CDH4: variants seen among roughly 807,000 people sequenced by gnomAD.
The protein encoded by CDH4 is cadherin-4.
A neutral mutation model predicts 86.0 loss-of-function variants in CDH4; 33 were observed. The ratio of observed to expected loss-of-function variants is 0.38; its 90% CI spans 0.29 to 0.51. The LOEUF (loss-of-function observed/expected upper bound fraction) is 0.51. Ranked by LOEUF, CDH4 falls within the 20% of genes least tolerant of loss-of-function variation. The probability of loss-of-function intolerance (pLI) is 0.86; values close to 1 mark genes in which losing one functional copy is unlikely to be tolerated. For missense variants in CDH4, 1,114 were observed against 1,307.4 expected, an observed-to-expected ratio of 0.85 and a Z score of 2.28; for synonymous variants, 555 against 549.4, an observed-to-expected ratio of 1.01 and a Z score of -0.14.
At chr20:61,536,870 G>A (rs565933858) in intron 2 of CDH4, among the ~76,000 whole-genome samples, 18 of 152,188 alleles carry the variant, frequency 1.2e-4, no homozygotes, top group Admixed American at 1.2e-3. Context: ...AGTGTGTTCA[G>A]CGCAGGGGCT....
At chr20:61,926,980 G>A (rs931444464) in intron 11 of CDH4, among the ~76,000 whole-genome samples, 2 of 120,244 alleles carry the variant, frequency 1.7e-5, no homozygotes, top group African/African-American at 5.0e-5. Context: ...GCACAGGCTG[G>A]AGCAGGAGCC....
At chr20:61,543,853 A>C (rs1486188458) in intron 2 of CDH4, among the ~76,000 whole-genome samples, 1 of 152,224 alleles carries the variant, frequency 6.6e-6, no homozygotes, top group Non-Finnish European at 1.5e-5. Flanking sequence ...TGTTGACCTG[A>C]TGGAATGGAG....
chr20:61,914,103 C>T (rs191162200), intron 9 of CDH4, among the ~76,000 whole-genome samples: 1 of 152,230 alleles, frequency 6.6e-6, no homozygotes, highest in Non-Finnish European at 1.5e-5. Context: ...CCTGCCCCCC[C>T]ACAGCCAGTC....
Position 61,773,159 on chromosome 20 carries a change from C to T in CDH4, c.553C>T (p.Pro185Ser). The T allele has an allele frequency of 6.3e-7, 1 of 1,586,908 alleles. No individual in the cohort carries two copies. Among genetic ancestry groups the T allele is most frequent in the Non-Finnish European group, 8.6e-7 (1 of 1,166,950 alleles). The change falls in exon 4 of 16, where the codon CCC (proline) becomes TCC (serine). Residue 185 changes from proline (P) to serine (S), a missense_variant. Pro to Ser is a moderately conservative substitution (Grantham distance 74, BLOSUM62 -1). Around this residue, in one of 3 missense-constraint regions of CDH4, gnomAD observed 705 missense variants for 914.1 expected, o/e 0.77. Transcript: ENST00000614565. ...CAACGTGCCCGAGAACTCGCGCGGGCCCTTCCCGCAGCAGCTCGTGAGGGT... is the reference window on the plus strand; with the variant it reads ...CAACGTGCCCGAGAACTCGCGCGGGTCCTTCCCGCAGCAGCTCGTGAGGGT... ...PINVPENSRG[P>S]FPQQLVRIRS...
At chr20:61,714,259 G>T (rs1160059997) in intron 2 of CDH4, among the ~76,000 whole-genome samples, 1 of 151,816 alleles carries the variant, frequency 6.6e-6, no homozygotes, top group East Asian at 1.9e-4. Flanking sequence ...TGTTAGCCAG[G>T]ATGGTCTCCA....
At chr20:61,525,073 T>C (rs1463942342) in intron 2 of CDH4, among the ~76,000 whole-genome samples, 1 of 152,242 alleles carries the variant, frequency 6.6e-6, no homozygotes, top group East Asian at 1.9e-4. Flanking sequence ...ATCTTCTGAA[T>C]GATCTCTCTG....
At chr20:61,547,152 G>A (rs867931215) in intron 2 of CDH4, among the ~76,000 whole-genome samples, 7 of 145,856 alleles carry the variant, frequency 4.8e-5, no homozygotes, top group Non-Finnish European at 7.5e-5. Context: ...CCAAGTGCAA[G>A]TAGCTTTTAC....
At chr20:61,320,419 G>T (rs562970713) in intron 2 of CDH4, among the ~76,000 whole-genome samples, 5 of 152,130 alleles carry the variant, frequency 3.3e-5, no homozygotes, top group Admixed American at 6.5e-5. Context: ...AACCATGCAG[G>T]TGTGGGTGAG....
intron 2 of CDH4, among the ~76,000 whole-genome samples, chr20:61,647,554 T>TCTCTCTCTCC (rs2087076542): frequency 3.7e-5 from 4 of 106,804 alleles, no homozygotes; most frequent in African/African-American, 1.4e-4. Context: ...TCCCTCTCCC[T>TCTCTCTCTCC]CTCCCTCTCC....
At chr20:61,348,697 G>C (rs1047271836) in intron 2 of CDH4, among the ~76,000 whole-genome samples, 10 of 152,292 alleles carry the variant, frequency 6.6e-5, no homozygotes. Context: ...TATGGCCCTG[G>C]GCAGGTGGAC....
chr20:61,782,680 T>C (rs938656823), intron 4 of CDH4, among the ~76,000 whole-genome samples: 1 of 152,244 alleles, frequency 6.6e-6, no homozygotes, highest in East Asian at 1.9e-4. Flanking sequence ...GGAGCAAGGC[T>C]GTTTTGAGGT....
At chr20:61,261,909 G>A (rs1336933606) in intron 2 of CDH4, among the ~76,000 whole-genome samples, 3 of 152,188 alleles carry the variant, frequency 2.0e-5, no homozygotes, top group Non-Finnish European at 2.9e-5. Flanking sequence ...AAGAGCCCGC[G>A]GCTTCTGTGA....
chr20:61,587,382 T>G (rs935122893), intron 2 of CDH4, among the ~76,000 whole-genome samples: 6 of 152,136 alleles, frequency 3.9e-5, no homozygotes, highest in Non-Finnish European at 8.8e-5. Flanking sequence ...CTGCCCACAC[T>G]AAGTGAGGGA....
intron 5 of CDH4, 45 bp from the exon 6 acceptor site, chr20:61,852,709 G>A (rs1968369053): frequency 1.3e-6 from 2 of 1,588,902 alleles, no homozygotes; most frequent in South Asian, 2.3e-5. Context: ...CAGCTGAGTG[G>A]GGGTGCCCAC....
intron 2 of CDH4, among the ~76,000 whole-genome samples, chr20:61,651,370 G>A (rs965453658): frequency 5.3e-5 from 8 of 152,234 alleles, no homozygotes; most frequent in Non-Finnish European, 8.8e-5. Context: ...TCACCCAAAG[G>A]CACATGTCCC....
At chr20:61,901,104 C>T (rs2427234) in intron 8 of CDH4, among the ~76,000 whole-genome samples, 119,938 of 151,952 alleles carry the variant, frequency 0.79, 48,528 homozygotes, top group Non-Finnish European at 0.89. Context: ...AGGGAGCAAG[C>T]CAATCTGGTC....
chr20:61,734,845 A>T (rs573029589), intron 2 of CDH4, among the ~76,000 whole-genome samples: 87 of 152,344 alleles, frequency 5.7e-4, no homozygotes, highest in African/African-American at 2.0e-3. Context: ...CAGTCACACG[A>T]ATCAACCTGG....
At chr20:61,586,346 G>T (rs1240439754) in intron 2 of CDH4, among the ~76,000 whole-genome samples, 1 of 152,200 alleles carries the variant, frequency 6.6e-6, no homozygotes, top group African/African-American at 2.4e-5. Context: ...GCACTGATGG[G>T]TTTCCCAGCA....
chr20:61,920,782 CGTG>C (rs1319131924), intron 9 of CDH4, among the ~76,000 whole-genome samples: 6 of 135,208 alleles, frequency 4.4e-5, no homozygotes, highest in Non-Finnish European at 9.2e-5. Flanking sequence ...TGCATGGAAG[CGTG>C]GTATCATGGT....
Sources: allele counts gnomAD v4.1 joint callset (sites outside exome capture counted in the v4.1 genomes callset), GRCh38; gene constraint gnomAD v4.1.1; regional missense constraint gnomAD v4.1.1; transcripts MANE v1.5; gene names NCBI Gene and HGNC (gene_info 2026-07-23, HGNC 2026-07-21).